Variants in DACH2 observed in about 807,000 individuals in gnomAD.
DACH2 encodes dachshund family transcription factor 2, also known as dachshund homolog 2.
Under a neutral mutation model 35.8 loss-of-function variants are expected in DACH2, and 17 were observed. That is an observed-to-expected ratio of 0.48 (90% CI 0.33 to 0.71). The LOEUF is 0.71. Ranked by LOEUF, DACH2 falls within the 30% of genes least tolerant of loss-of-function variation. The pLI, the probability that DACH2 is intolerant of heterozygous loss-of-function variation, is 0.02. For missense variants in DACH2, 469 were observed against 472.7 expected, an observed-to-expected ratio of 0.99 and a Z score of 0.07; for synonymous variants, 195 against 177.3, an observed-to-expected ratio of 1.10 and a Z score of -0.79.
intron 1 of DACH2, among the ~76,000 whole-genome samples, chrX:86,329,270 T>G (rs1341550753): frequency 9.0e-6 from 1 of 110,585 alleles, no homozygotes; most frequent in Non-Finnish European, 1.9e-5. Context: ...AGCTTCACTA[T>G]GAAGGGGGAA....
At chrX:86,532,751 A>T (rs1173821918) in intron 3 of DACH2, among the ~76,000 whole-genome samples, 1 of 111,352 alleles carries the variant, frequency 9.0e-6, no homozygotes, top group East Asian at 2.8e-4. Flanking sequence ...ATATAACCTT[A>T]GGTTTATTCA....
rs112486569 is a variant in DACH2, at chrX:86,376,370, T to C, written c.489-454T>C. 1.3e-4 allele frequency among the ~76,000 whole-genome samples: 14 copies of C among 110,113 alleles called. No homozygotes were observed. In the East Asian group the frequency reaches 4.0e-3, roughly 31 times the overall value. On this transcript the variant is annotated intron_variant, in intron 1 of 11. Transcript: ENST00000373125. ...TGAGAAAAAATTAGAAAGGGATTTT[T>C]CCCTCCAAAATGTTGGAATACCTAA... is the stretch of plus-strand genomic sequence containing the variant.
intron 1 of DACH2, among the ~76,000 whole-genome samples, chrX:86,255,696 C>T (rs986902548): frequency 3.6e-5 from 4 of 111,395 alleles, no homozygotes; most frequent in East Asian, 2.8e-4. Flanking sequence ...AGTTAACCTA[C>T]GTGGCCAATA....
intron 2 of DACH2, among the ~76,000 whole-genome samples, chrX:86,497,390 T>C (rs980507688): frequency 8.9e-6 from 1 of 112,031 alleles, no homozygotes; most frequent in Non-Finnish European, 1.9e-5. Flanking sequence ...GGGAAGGAGC[T>C]GGAGAACTAA....
chrX:86,621,522 G>T (rs903530341), intron 3 of DACH2, among the ~76,000 whole-genome samples: 33 of 107,871 alleles, frequency 3.1e-4, no homozygotes, highest in African/African-American at 1.1e-3. Context: ...AACTATAAAA[G>T]AACTTTTTTG....
chrX:86,415,421 C>T (rs1025228181), intron 2 of DACH2, among the ~76,000 whole-genome samples: 10 of 111,866 alleles, frequency 8.9e-5, no homozygotes, highest in African/African-American at 3.2e-4. Context: ...TCATCTTTTA[C>T]CTTGGTTTTT....
At chrX:86,274,464 TC>T (rs1185761261) in intron 1 of DACH2, among the ~76,000 whole-genome samples, 522 of 30,268 alleles carry the variant, frequency 0.017, 133 homozygotes, top group African/African-American at 0.082. Flanking sequence ...TTTTTTTTTT[TC>T]TTTTTTTTTT....
At chrX:86,697,197 A>G (rs780108037) in intron 5 of DACH2, among the ~76,000 whole-genome samples, 1 of 111,827 alleles carries the variant, frequency 8.9e-6, no homozygotes, top group East Asian at 2.8e-4. Flanking sequence ...TTGTTTGCTC[A>G]CATTTAACTA....
chrX:86,541,575 A>C (rs1257704760), intron 3 of DACH2, among the ~76,000 whole-genome samples: 3 of 111,698 alleles, frequency 2.7e-5, no homozygotes, highest in Non-Finnish European at 5.7e-5. Context: ...TTAGTTTGAT[A>C]AATGGAAGAA....
intron 1 of DACH2, among the ~76,000 whole-genome samples, chrX:86,210,621 A>G (rs775239132): frequency 8.9e-6 from 1 of 111,820 alleles, no homozygotes; most frequent in South Asian, 3.7e-4. Flanking sequence ...GTTTTTGCTG[A>G]TTTTTAGTTA....
At chrX:86,526,282 A>G (rs2038630973) in intron 3 of DACH2, among the ~76,000 whole-genome samples, 1 of 111,998 alleles carries the variant, frequency 8.9e-6, no homozygotes, top group South Asian at 3.7e-4. Flanking sequence ...AATTTGTCAT[A>G]TACAAGTATC....
intron 11 of DACH2, among the ~76,000 whole-genome samples, chrX:86,825,367 AG>A (rs1404078316): frequency 3.6e-5 from 4 of 110,770 alleles, no homozygotes; most frequent in African/African-American, 1.3e-4. Flanking sequence ...CAGTGAGCTG[AG>A]ATCACAACAC....
chrX:86,742,087 AT>A, intron 7 of DACH2, among the ~76,000 whole-genome samples: 1 of 111,111 alleles, frequency 9.0e-6, no homozygotes, highest in Non-Finnish European at 1.9e-5. Flanking sequence ...CTAGAAAAAA[AT>A]GTTGACAATA....
At chrX:86,731,664 G>A (rs1375096561) in intron 6 of DACH2, among the ~76,000 whole-genome samples, 23 of 111,729 alleles carry the variant, frequency 2.1e-4, no homozygotes, top group Non-Finnish European at 7.5e-5. Flanking sequence ...TTTTTTATCA[G>A]CATGTAAATA....
chrX:86,265,876 T>C (rs2033702196), intron 1 of DACH2, among the ~76,000 whole-genome samples: 1 of 111,733 alleles, frequency 8.9e-6, no homozygotes, highest in Non-Finnish European at 1.9e-5. Context: ...ATGTGTATTA[T>C]GTAGACAGTA....
At chrX:86,546,056 G>A (rs755126181) in intron 3 of DACH2, among the ~76,000 whole-genome samples, 4 of 61,565 alleles carry the variant, frequency 6.5e-5, no homozygotes, top group Non-Finnish European at 1.0e-4. Context: ...ATTGGCTGAA[G>A]GGCTGAAGTA....
chrX:86,254,781 A>AATATATAT (rs1200745075), intron 1 of DACH2, among the ~76,000 whole-genome samples: 260 of 22,547 alleles, frequency 0.012, 4 homozygotes, highest in Non-Finnish European at 0.012. Flanking sequence ...CAAATAAATA[A>AATATATAT]ATATATATAT....
intron 3 of DACH2, among the ~76,000 whole-genome samples, chrX:86,518,680 G>T (rs1466644394): frequency 9.0e-6 from 1 of 111,731 alleles, no homozygotes; most frequent in Non-Finnish European, 1.9e-5. Context: ...TTGCCTTTCT[G>T]ATTTGGCTCT....
At chrX:86,479,212 T>G (rs999741869) in intron 2 of DACH2, among the ~76,000 whole-genome samples, 4 of 111,078 alleles carry the variant, frequency 3.6e-5, no homozygotes, top group Admixed American at 9.6e-5. Context: ...TCCAGCCATT[T>G]GTGTGTGTGT....
Sources: gnomAD v4.1 joint callset for allele counts (sites outside exome capture counted in the v4.1 genomes callset) on GRCh38, gnomAD v4.1.1 for gene constraint, MANE v1.5 for transcripts, NCBI Gene and HGNC (gene_info 2026-07-23, HGNC 2026-07-21) for gene names.